Variants in HDAC9 observed in about 807,000 individuals in gnomAD.
The protein encoded by HDAC9 is MEF-2 interacting transcription repressor (MITR) protein.
In HDAC9, 41 loss-of-function variants were observed where a neutral mutation model predicts 139.4. The ratio of observed to expected loss-of-function variants is 0.29; its 90% CI spans 0.23 to 0.38. HDAC9 has a LOEUF of 0.38. Among genes scored for constraint, HDAC9 ranks in the 10% least tolerant of loss-of-function variants. The pLI, the probability that HDAC9 is intolerant of heterozygous loss-of-function variation, is 1.00. For synonymous variants in HDAC9, 517 were observed against 476.2 expected (o/e 1.09, Z -1.12); for missense variants, 1,147 against 1,297.0 (o/e 0.88, Z 1.78).
chr7:18,710,372 G>A (rs958886095), intron 12 of HDAC9, among the ~76,000 whole-genome samples: 1 of 151,984 alleles, frequency 6.6e-6, no homozygotes, highest in African/African-American at 2.4e-5. Context: ...CATTTATATT[G>A]GTTTAATTAT....
At chr7:18,866,454 T>C (rs1041530267) in intron 21 of HDAC9, among the ~76,000 whole-genome samples, 1 of 152,142 alleles carries the variant, frequency 6.6e-6, no homozygotes, top group African/African-American at 2.4e-5. Context: ...GACTTTCACA[T>C]TGTTTCTTCC....
intron 2 of HDAC9, among the ~76,000 whole-genome samples, chr7:18,552,265 G>A (rs1563249715): frequency 6.6e-6 from 1 of 152,106 alleles, no homozygotes; most frequent in Non-Finnish European, 1.5e-5. Flanking sequence ...TCTTGAAAAA[G>A]TAGCTAGATT....
chr7:18,790,831 C>T (rs1792236598), intron 16 of HDAC9, among the ~76,000 whole-genome samples: 1 of 152,098 alleles, frequency 6.6e-6, no homozygotes, highest in Non-Finnish European at 1.5e-5. Context: ...GGTTATGAGT[C>T]AAAATATCAG....
intron 22 of HDAC9, among the ~76,000 whole-genome samples, chr7:18,882,522 G>A (rs796617779): frequency 3.9e-5 from 6 of 151,918 alleles, no homozygotes; most frequent in African/African-American, 9.7e-5. Context: ...TTATTAAACT[G>A]GAAATAAACA....
intron 1 of HDAC9, among the ~76,000 whole-genome samples, chr7:18,446,475 G>A (rs930964721): frequency 6.6e-6 from 1 of 152,076 alleles, no homozygotes; most frequent in Non-Finnish European, 1.5e-5. Flanking sequence ...TTTCCTTTTT[G>A]CTAATGCTGC....
intron 2 of HDAC9, among the ~76,000 whole-genome samples, chr7:18,562,141 A>G (rs551367880): frequency 1.3e-5 from 2 of 152,212 alleles, no homozygotes; most frequent in East Asian, 3.9e-4. Flanking sequence ...CTCTGGAGAA[A>G]TGTCTTTTCA....
chr7:18,756,097 C>A (rs1049953037), intron 14 of HDAC9, among the ~76,000 whole-genome samples: 1 of 152,068 alleles, frequency 6.6e-6, no homozygotes, highest in Admixed American at 6.6e-5. Context: ...TGCACCCAGA[C>A]AAAGGTAATA....
chr7:18,350,482 C>T (rs888970538), intron 1 of HDAC9, among the ~76,000 whole-genome samples: 8 of 152,280 alleles, frequency 5.3e-5, no homozygotes, highest in Admixed American at 2.0e-4. Context: ...CAGGTATCCT[C>T]TTTGTGTGTT....
chr7:18,934,738 G>A (rs1378586620), intron 22 of HDAC9, among the ~76,000 whole-genome samples: 3 of 152,136 alleles, frequency 2.0e-5, no homozygotes, highest in Admixed American at 6.5e-5. Flanking sequence ...TGAGGGTGGG[G>A]CTTGGTAATA....
chr7:18,980,510 A>T (rs1341898754), intron 25 of HDAC9, among the ~76,000 whole-genome samples: 5 of 152,210 alleles, frequency 3.3e-5, no homozygotes, highest in Non-Finnish European at 7.3e-5. Context: ...GAAAAATTTC[A>T]TAGAGTTGTG....
At chr7:18,697,158 C>T (rs867228909) in intron 12 of HDAC9, among the ~76,000 whole-genome samples, 2 of 152,270 alleles carry the variant, frequency 1.3e-5, no homozygotes, top group Non-Finnish European at 2.9e-5. Context: ...GATGGCCTAG[C>T]AGTTTCCCTT....
rs1197611571 is a variant in HDAC9, at chr7:18,320,709, G to C, written c.-42+30194G>C. ...ATTATGTCCTTTAGTGAATTTCTGA[G>C]TGAGCAGATAAGTCTGACATTTCCT... On this transcript the variant is annotated intron_variant, in intron 1 of 3. Transcript: ENST00000413509. Among the ~76,000 whole-genome samples, 3 of 152,146 alleles carry C rather than the reference G, an allele frequency of 2.0e-5. No homozygotes were observed. In the East Asian group the frequency reaches 5.8e-4, roughly 29 times the overall value.
At chr7:18,272,599 G>A (rs978608559) in intron 2 of HDAC9, among the ~76,000 whole-genome samples, 1 of 151,948 alleles carries the variant, frequency 6.6e-6, no homozygotes, top group Non-Finnish European at 1.5e-5. Context: ...CCTCGAAGTA[G>A]GCCTAATCAA....
chr7:18,897,240 G>C (rs893562509), intron 22 of HDAC9, among the ~76,000 whole-genome samples: 26 of 152,054 alleles, frequency 1.7e-4, no homozygotes, highest in Admixed American at 1.5e-3. Flanking sequence ...ATTTGTAACA[G>C]AGTGTGGTTA....
intron 1 of HDAC9, chr7:18,127,447 C>G (rs1562648538): frequency 5.9e-6 from 1 of 168,434 alleles, no homozygotes; most frequent in Admixed American, 6.6e-5. Context: ...ATCTGCTTCC[C>G]TGCTCCCTCT....
intron 24 of HDAC9, 173 bp downstream of exon 24, chr7:18,954,403 T>C (rs547002362): frequency 1.6e-4 from 88 of 536,608 alleles, no homozygotes; most frequent in Middle Eastern, 4.9e-4. Context: ...CTTACACTGA[T>C]GACAAAACGT....
intron 2 of HDAC9, among the ~76,000 whole-genome samples, chr7:18,253,819 A>G (rs1220820053): frequency 6.6e-6 from 1 of 152,160 alleles, no homozygotes; most frequent in Non-Finnish European, 1.5e-5. Context: ...GAAACAAGGG[A>G]GGAAGAAGTG....
chr7:18,904,888 T>G (rs1053832032), intron 22 of HDAC9, among the ~76,000 whole-genome samples: 4 of 151,462 alleles, frequency 2.6e-5, no homozygotes, highest in Non-Finnish European at 5.9e-5. Context: ...TCTTTTCTTT[T>G]TTTTAACTAG....
chr7:18,154,598 G>C (rs1240092927), intron 1 of HDAC9, among the ~76,000 whole-genome samples: 1 of 152,166 alleles, frequency 6.6e-6, no homozygotes, highest in African/African-American at 2.4e-5. Context: ...AAGCAACTGA[G>C]GCTCAGAGAG....
Sources: gnomAD v4.1 joint callset for allele counts (sites outside exome capture counted in the v4.1 genomes callset) on GRCh38, gnomAD v4.1.1 for gene constraint, MANE v1.5 for transcripts, NCBI Gene and HGNC (gene_info 2026-07-23, HGNC 2026-07-21) for gene names.